Variants in ANKRD53 observed in about 807,000 individuals in gnomAD.
ANKRD53 encodes ankyrin repeat domain 53.
In ANKRD53, 27 loss-of-function variants were observed where a neutral mutation model predicts 30.1. That is an observed-to-expected ratio of 0.90 (90% CI 0.66 to 1.24). The LOEUF (loss-of-function observed/expected upper bound fraction) is 1.24, where lower values mean the gene tolerates loss of function less well. ANKRD53 is among the 50% of genes most tolerant of loss of function. ANKRD53 has a pLI of 0.00. For missense variants in ANKRD53, 682 were observed against 721.0 expected (o/e 0.95, Z 0.62); for synonymous variants, 286 against 295.4 (o/e 0.97, Z 0.33).
intron 3 of ANKRD53, among the ~76,000 whole-genome samples, chr2:70,980,290 G>A (rs1239181390): frequency 1.0e-4 from 15 of 149,756 alleles, no homozygotes; most frequent in South Asian, 4.2e-4. Context: ...ACTTCAGCCC[G>A]GGCAACAAGA....
At chr2:70,980,473 T>A (rs1457252742) in intron 3 of ANKRD53, among the ~76,000 whole-genome samples, 1 of 151,920 alleles carries the variant, frequency 6.6e-6, no homozygotes, top group African/African-American at 2.4e-5. Flanking sequence ...TGGAATTACC[T>A]AGGGAGCTTA....
In ANKRD53 at chr2:70,984,855, C is replaced by T; in HGVS notation, c.1148C>T (p.Pro383Leu). ...PIYRKPTVKRPTMWNVSNNPA... is the reference protein window; with the variant it reads ...PIYRKPTVKRLTMWNVSNNPA... ...TACAGGAAGCCCACGGTCAAGCGGC[C>T]CACAATGTGGAATGTTAGCAACAAC... Residue 383 changes from proline to leucine, a missense_variant, in exon 6 of 6, where the codon CCC becomes CTC. Transcript: ENST00000360589. 6.4e-7 allele frequency: 1 copy of T among 1,551,678 alleles called. No individual in the cohort carries two copies. Among genetic ancestry groups the T allele is most frequent in the South Asian group, 1.2e-5 (1 of 84,092 alleles).
intron 3 of ANKRD53, among the ~76,000 whole-genome samples, chr2:70,981,385 TA>T (rs1174478163): frequency 6.6e-6 from 1 of 151,514 alleles, no homozygotes; most frequent in Non-Finnish European, 1.5e-5. Context: ...GTAAAGCAGG[TA>T]GGGGGAGGAT....
Position 70,979,222 on chromosome 2 carries a change from C to T in ANKRD53, c.296C>T (p.Thr99Met), listed in dbSNP as rs782686656. ...AGCCCCAGCAAGGAGTCCGACCAGA[C>T]GGCAATCGACCAGACGGCGATCGGG... ...DPSPSKESDQTAIDQTAIGSY... is the reference protein window; with the variant it reads ...DPSPSKESDQMAIDQTAIGSY... Residue 99 changes from threonine (T) to methionine (M), a missense_variant, in exon 2 of 6, where the codon ACG (threonine) becomes ATG (methionine). Transcript: ENST00000360589. 4.3e-6 allele frequency: 7 copies of T among 1,613,294 alleles called. No individual in the cohort carries two copies. In the African/African-American group the frequency reaches 8.0e-5, roughly 18 times the overall value.
chr2:70,982,534 C>CT lies in ANKRD53; in HGVS notation c.783-42dup. 1.2e-6 allele frequency: 2 copies of CT among 1,609,042 alleles called. No individual in the cohort carries two copies. Among genetic ancestry groups the CT allele is most frequent in the Non-Finnish European group, 1.7e-6 (2 of 1,176,622 alleles). On this transcript the variant is annotated intron_variant, in intron 4 of 5. Coordinates refer to ENST00000360589, the MANE Select transcript of ANKRD53 (RefSeq NM_001115116.2). The surrounding 1 kb of genome is among the most constrained non-coding windows in gnomAD (Gnocchi z 4.2). ...AGTCTTCCCAGCCCAGGTGGAAGCTCTGTCACTGTGGGATGACACCCCCGC... is the reference window on the plus strand; with the variant it reads ...AGTCTTCCCAGCCCAGGTGGAAGCTCTTGTCACTGTGGGATGACACCCCCGC...
At chr2:70,984,356 C>A (rs1312563004) in intron 5 of ANKRD53, 5 of 1,594,446 alleles carry the variant, frequency 3.1e-6, no homozygotes, top group Non-Finnish European at 1.7e-6. Flanking sequence ...GAGATCCCCC[C>A]TTTGGGAGAG....
chr2:70,984,181 T>C, intron 5 of ANKRD53: 1 of 1,614,192 alleles, frequency 6.2e-7, no homozygotes, highest in South Asian at 1.1e-5. Flanking sequence ...CCAGAGACTC[T>C]CCTATGGCAG....
chr2:70,984,329 T>A, intron 5 of ANKRD53: 6 of 1,609,322 alleles, frequency 3.7e-6, no homozygotes, highest in Non-Finnish European at 5.1e-6. Flanking sequence ...AGAGGCTACA[T>A]CTCTCCCATC....
intron 2 of ANKRD53, 145 bp from the exon 3 acceptor site, chr2:70,979,516 C>CAGT (rs1669936818): frequency 7.2e-7 from 1 of 1,385,574 alleles, no homozygotes; most frequent in South Asian, 1.4e-5. Context: ...CTGATGAACA[C>CAGT]ACACTGGTTA....
intron 5 of ANKRD53, chr2:70,984,362 G>A: frequency 6.3e-7 from 1 of 1,591,544 alleles, no homozygotes; most frequent in Non-Finnish European, 8.5e-7. Flanking sequence ...CCCCCTTTGG[G>A]AGAGGTGCTT....
In ANKRD53 at chr2:70,978,738, T is replaced by G; in HGVS notation, c.93T>G (p.Thr31=). The G allele has an allele frequency of 6.4e-7, 1 of 1,559,960 alleles. No homozygotes were observed. Among genetic ancestry groups the G allele is most frequent in the Non-Finnish European group, 8.7e-7 (1 of 1,152,126 alleles). The change falls in exon 1 of 6, where the codon ACT becomes ACG. Residue 31 remains threonine (T), a synonymous_variant. Coordinates refer to ENST00000360589, the MANE Select transcript of ANKRD53 (RefSeq NM_001115116.2). The surrounding 1 kb of genome is among the most constrained non-coding windows in gnomAD (Gnocchi z 4.3). Reference sequence around the variant, plus strand: ...GGAGAGGTGCTCGGCCGCAGCCAACTCCAAGTGGCTCCATGCAGCAGGCGA... The same window carrying G: ...GGAGAGGTGCTCGGCCGCAGCCAACGCCAAGTGGCTCCATGCAGCAGGCGA... The part of the protein sequence containing the change: ...GEGRGARPQP[T]PSGSMQQANK...
In ANKRD53 at chr2:70,982,455, C is replaced by T; in HGVS notation, c.783-122C>T. ...CGGGCAATGGGGATGGCTCATCTTG[C>T]TCCTCTCCCTCTGGCCACTCCCCTC... is the stretch of plus-strand genomic sequence containing the variant. On this transcript the variant is annotated intron_variant, in intron 4 of 5. Transcript: ENST00000360589. The surrounding 1 kb of genome is among the most constrained non-coding windows in gnomAD (Gnocchi z 4.2). 1 of 1,392,904 alleles carries T rather than the reference C, an allele frequency of 7.2e-7. No homozygotes were observed. Among genetic ancestry groups the T allele is most frequent in the Non-Finnish European group, 9.8e-7 (1 of 1,019,714 alleles). The allele number at this position is 1,392,904 out of a possible 1,614,324, so 86.3% of individuals were successfully genotyped here.
chr2:70,983,086 A>T (rs1175358678), intron 5 of ANKRD53, among the ~76,000 whole-genome samples: 1 of 152,220 alleles, frequency 6.6e-6, no homozygotes, highest in Non-Finnish European at 1.5e-5. Context: ...ACTCTGTGCT[A>T]GGAACCTGCT....
Position 70,982,008 on chromosome 2 carries a change from G to A in ANKRD53, c.690G>A (p.Leu230=), listed in dbSNP as rs184969694. ...RDGLLDCVKV[L]VQSGANVHAQ... ...GCTTGCTGGACTGTGTGAAGGTCCT[G>A]GTGCAGAGTGGCGCCAACGTCCATG... Residue 230 remains leucine (L), a synonymous_variant, in exon 4 of 6, where the codon CTG becomes CTA. Coordinates refer to ENST00000360589, the MANE Select transcript of ANKRD53 (RefSeq NM_001115116.2). The surrounding 1 kb of genome is among the most constrained non-coding windows in gnomAD (Gnocchi z 4.2). 1.4e-5 allele frequency: 23 copies of A among 1,613,728 alleles called. No homozygotes were observed. The highest frequency in any genetic ancestry group is 1.8e-5 in the Non-Finnish European group (21 of 1,179,844).
At position 70,982,846 on chromosome 2, in the gene ANKRD53, T is replaced by C. The variant is rs528434838; in HGVS notation, c.903+149T>C. Reference sequence around the variant, plus strand: ...TCGCCTGTACTCCCACCGGGTACTCTGACTGAAATTCCGCTCTTTTAAATA... The same window carrying C: ...TCGCCTGTACTCCCACCGGGTACTCCGACTGAAATTCCGCTCTTTTAAATA... On this transcript the variant is annotated intron_variant, in intron 5 of 5. Coordinates refer to ENST00000360589, the MANE Select transcript of ANKRD53 (RefSeq NM_001115116.2). The surrounding 1 kb of genome is among the most constrained non-coding windows in gnomAD (Gnocchi z 4.2). 7 of 1,079,104 alleles carry C rather than the reference T, an allele frequency of 6.5e-6. No individual in the cohort carries two copies. In the South Asian group the frequency reaches 1.3e-4, roughly 20 times the overall value. 66.8% of individuals were successfully genotyped at this position (1,079,104 alleles called of 1,614,324 possible).
At chr2:70,981,436 T>G (rs1670006919) in intron 3 of ANKRD53, among the ~76,000 whole-genome samples, 1 of 151,972 alleles carries the variant, frequency 6.6e-6, no homozygotes, top group Non-Finnish European at 1.5e-5. Context: ...GAGGTGACAT[T>G]TAAATTGGAA....
At chr2:70,981,550 G>A (rs1313520360) in intron 3 of ANKRD53, among the ~76,000 whole-genome samples, 1 of 150,764 alleles carries the variant, frequency 6.6e-6, no homozygotes, top group Non-Finnish European at 1.5e-5. Context: ...AGTGGGCAAG[G>A]TCAAAGGATA....
In ANKRD53 at chr2:70,985,176, A is replaced by G. The variant is rs370566632; in HGVS notation, c.1469A>G (p.Asp490Gly). The G allele has an allele frequency of 8.4e-6, 13 of 1,551,220 alleles. No homozygotes were observed. The African/African-American group carries it at 1.8e-4, about 21-fold the overall frequency. The change falls in exon 6 of 6, where the codon GAC (aspartate) becomes GGC (glycine). Residue 490 changes from aspartate to glycine, a missense_variant. Transcript: ENST00000360589. ...GTGCCCAGGAAGCGGCACCTGGGTG[A>G]CAACACCTTCTGGACCGACACTCTG... Reference protein sequence around the residue: ...REVPRKRHLGDNTFWTDTLAM... With the variant: ...REVPRKRHLGGNTFWTDTLAM...
rs1440299748 is a variant in ANKRD53, at chr2:70,982,711, C to CA, written c.903+15dup. 3.1e-6 allele frequency: 5 copies of CA among 1,612,164 alleles called. No individual in the cohort carries two copies. In the African/African-American group the frequency reaches 6.7e-5, roughly 22 times the overall value. ...ATTGAGTATCAAGTAAGGGGGACAG[C>CA]AGGGGGGCCAGGGGACAGCTGCTAT... On this transcript the variant is annotated intron_variant, in intron 5 of 5. Coordinates refer to ENST00000360589, the MANE Select transcript of ANKRD53 (RefSeq NM_001115116.2). This position sits in a 1 kb window ranked among gnomAD's most constrained non-coding sequence, Gnocchi z 4.2.
Sources: gnomAD v4.1 joint callset for allele counts (sites outside exome capture counted in the v4.1 genomes callset) on GRCh38, gnomAD v4.1.1 for gene constraint, Gnocchi (gnomAD v3.1) non-coding constraint, MANE v1.5 for transcripts, NCBI Gene and HGNC (gene_info 2026-07-23, HGNC 2026-07-21) for gene names.